The following THSD7B variants were observed in gnomAD, a reference collection of about 807,000 sequenced individuals.
THSD7B encodes thrombospondin type-1 domain-containing protein 7B.
A neutral mutation model predicts 213.6 loss-of-function variants in THSD7B; 138 were observed. The observed-to-expected ratio is 0.65, with a 90% confidence interval of 0.56 to 0.74. THSD7B has a LOEUF of 0.74. Among genes scored for constraint, THSD7B ranks in the 30% least tolerant of loss-of-function variants. The pLI is 0.00. For synonymous variants in THSD7B, 742 were observed against 687.0 expected (o/e 1.08, Z -1.25); for missense variants, 1,931 against 1,991.5 (o/e 0.97, Z 0.58).
At chr2:137,349,241 A>AT (rs1341714690) in intron 12 of THSD7B, among the ~76,000 whole-genome samples, 1 of 151,744 alleles carries the variant, frequency 6.6e-6, no homozygotes, top group Non-Finnish European at 1.5e-5. Flanking sequence ...AAACTTACTA[A>AT]TGTTCCCTTT....
At chr2:137,355,852 T>A (rs60394260) in intron 12 of THSD7B, among the ~76,000 whole-genome samples, 2 of 152,154 alleles carry the variant, frequency 1.3e-5, no homozygotes, top group Non-Finnish European at 2.9e-5. Context: ...TAGAATTGTA[T>A]TGACACATAG....
chr2:137,592,621 G>A (rs539675537), intron 17 of THSD7B, among the ~76,000 whole-genome samples: 1 of 151,948 alleles, frequency 6.6e-6, no homozygotes, highest in East Asian at 1.9e-4. Context: ...CTTCACCCAA[G>A]CTGCATTTTT....
At chr2:136,982,615 TG>T (rs1685601398) in intron 2 of THSD7B, among the ~76,000 whole-genome samples, 1 of 152,162 alleles carries the variant, frequency 6.6e-6, no homozygotes, top group Non-Finnish European at 1.5e-5. Flanking sequence ...GGAATTGTCT[TG>T]GGAGTCTAAC....
At chr2:136,893,103 A>G (rs1287542815) in intron 2 of THSD7B, among the ~76,000 whole-genome samples, 1 of 152,114 alleles carries the variant, frequency 6.6e-6, no homozygotes, top group East Asian at 1.9e-4. Flanking sequence ...TTTACGTTTT[A>G]CCACTTCTAC....
intron 1 of THSD7B, among the ~76,000 whole-genome samples, chr2:136,872,650 C>G (rs1322605455): frequency 6.9e-6 from 1 of 144,676 alleles, no homozygotes. Context: ...TTTTCTCTCT[C>G]TCCTCTCTCT....
intron 15 of THSD7B, among the ~76,000 whole-genome samples, chr2:137,501,332 A>G (rs6744179): frequency 0.22 from 33,241 of 152,046 alleles, 3,863 homozygotes; most frequent in South Asian, 0.39. Flanking sequence ...TTTATGAAGT[A>G]TCTGAATACA....
chr2:137,431,165 A>G (rs1440401843), intron 14 of THSD7B, among the ~76,000 whole-genome samples: 1 of 152,234 alleles, frequency 6.6e-6, no homozygotes, highest in East Asian at 1.9e-4. Context: ...GACAACAATC[A>G]AATACACTTA....
intron 3 of THSD7B, among the ~76,000 whole-genome samples, chr2:137,063,469 T>C (rs1687317369): frequency 6.6e-6 from 1 of 152,106 alleles, no homozygotes; most frequent in South Asian, 2.1e-4. Context: ...CAATGCATTG[T>C]AATCATATCA....
intron 2 of THSD7B, among the ~76,000 whole-genome samples, chr2:137,034,274 T>G (rs2104855357): frequency 6.6e-6 from 1 of 152,174 alleles, no homozygotes; most frequent in East Asian, 1.9e-4. Flanking sequence ...TTACGCTAAT[T>G]TTTGTATTTT....
intron 17 of THSD7B, among the ~76,000 whole-genome samples, chr2:137,588,760 C>A (rs1209832547): frequency 4.8e-5 from 7 of 147,076 alleles, no homozygotes; most frequent in Non-Finnish European, 7.5e-5. Flanking sequence ...TCATGTTGTC[C>A]TTTATTTATT....
chr2:136,915,281 T>C (rs190399777), intron 2 of THSD7B, among the ~76,000 whole-genome samples: 6 of 152,316 alleles, frequency 3.9e-5, no homozygotes, highest in African/African-American at 1.2e-4. Context: ...AGTTAGTTTT[T>C]CAGAGCGTAG....
chr2:136,765,844 A>G (rs1681379589), intron 1 of THSD7B, among the ~76,000 whole-genome samples, 157 bp downstream of exon 1: 1 of 152,202 alleles, frequency 6.6e-6, no homozygotes, highest in South Asian at 2.1e-4. Flanking sequence ...TCTCCCAGCC[A>G]GACGCGGGAA....
intron 12 of THSD7B, among the ~76,000 whole-genome samples, chr2:137,374,716 A>C (rs1319045851): frequency 2.6e-5 from 4 of 152,218 alleles, no homozygotes; most frequent in Admixed American, 6.6e-5. Flanking sequence ...GCAAGTTCTC[A>C]ATAGAACCAC....
intron 12 of THSD7B, among the ~76,000 whole-genome samples, chr2:137,340,222 A>T (rs114454830): frequency 6.6e-6 from 1 of 151,878 alleles, no homozygotes; most frequent in African/African-American, 2.4e-5. Context: ...ATTTCAGGAA[A>T]ATTCAGACTT....
At position 137,111,618 on chromosome 2, in the gene THSD7B, G is replaced by A. The variant is rs1009194255; in HGVS notation, c.1200-3506G>A. Among the ~76,000 whole-genome samples the A allele has an allele frequency of 4.6e-5, 7 of 152,034 alleles. No individual in the cohort carries two copies. The South Asian group carries it at 8.3e-4, about 18-fold the overall frequency. ...GTAATGCCCCTAAGTTCATTAGTGC[G>A]GTGCCTGGTATACAGTAAGCAGGCA... is the stretch of plus-strand genomic sequence containing the variant. On this transcript the variant is annotated intron_variant, in intron 4 of 27. Coordinates refer to ENST00000409968, the MANE Select transcript of THSD7B (RefSeq NM_001316349.2).
At chr2:136,924,866 T>C (rs1253863889) in intron 2 of THSD7B, among the ~76,000 whole-genome samples, 2 of 152,226 alleles carry the variant, frequency 1.3e-5, no homozygotes. Flanking sequence ...TTGTAGTTTT[T>C]GGTGTACAAG....
At chr2:137,404,564 CACACTATA>C (rs1382908198) in intron 12 of THSD7B, among the ~76,000 whole-genome samples, 1 of 86,810 alleles carries the variant, frequency 1.2e-5, no homozygotes, top group Non-Finnish European at 3.0e-5. Context: ...TTTATATACA[CACACTATA>C]TATATACACA....
chr2:137,423,769 T>G (rs1215433748), intron 14 of THSD7B, among the ~76,000 whole-genome samples: 1 of 152,134 alleles, frequency 6.6e-6, no homozygotes, highest in Non-Finnish European at 1.5e-5. Flanking sequence ...GTTCAGATTA[T>G]ATTAAAAGCT....
intron 15 of THSD7B, among the ~76,000 whole-genome samples, chr2:137,557,518 A>C (rs1681003658): frequency 1.3e-5 from 2 of 152,214 alleles, no homozygotes; most frequent in Non-Finnish European, 2.9e-5. Flanking sequence ...GAAACCAACG[A>C]GAACAAAGAC....
Sources: gnomAD v4.1 joint callset for allele counts (sites outside exome capture counted in the v4.1 genomes callset) on GRCh38, gnomAD v4.1.1 for gene constraint, MANE v1.5 for transcripts, NCBI Gene and HGNC (gene_info 2026-07-23, HGNC 2026-07-21) for gene names.